Variants in DPP6 observed in about 807,000 individuals in gnomAD.
DPP6 encodes dipeptidyl peptidase like 6.
Under a neutral mutation model 122.6 loss-of-function variants are expected in DPP6, and 69 were observed. The observed-to-expected ratio is 0.56, with a 90% confidence interval of 0.46 to 0.69. The LOEUF (loss-of-function observed/expected upper bound fraction) is 0.69. DPP6 is among the 30% of genes least tolerant of loss of function. The probability of loss-of-function intolerance (pLI) is 0.00; values close to 1 mark genes in which losing one functional copy is unlikely to be tolerated. For synonymous variants in DPP6, 418 were observed against 433.1 expected, an observed-to-expected ratio of 0.97 and a Z score of 0.43; for missense variants, 928 against 1,116.9, an observed-to-expected ratio of 0.83 and a Z score of 2.41.
In DPP6 at chr7:154,313,685, G is replaced by GTGTGTGTGTATATA; in HGVS notation, c.244-132528_244-132527insGTGTGTGTATATAT. Among the ~76,000 whole-genome samples, 45 of 20,472 alleles carry GTGTGTGTGTATATA rather than the reference G, an allele frequency of 2.2e-3. 6 individuals carry two copies. Among genetic ancestry groups the GTGTGTGTGTATATA allele is most frequent in the South Asian group, 6.5e-3 (2 of 308 alleles). 13.4% of individuals were successfully genotyped at this position (20,472 alleles called of 152,430 possible). The stretch of plus-strand genomic sequence containing the variant: ...AAGCAACAAGATATTTTAAGATATG[G>GTGTGTGTGTATATA]TATATATATATATATATATATATAT... On this transcript the variant is annotated intron_variant, in intron 1 of 25. Transcript: ENST00000377770.
intron 1 of DPP6, among the ~76,000 whole-genome samples, chr7:154,308,941 T>C (rs984119708): frequency 6.6e-6 from 1 of 152,224 alleles, no homozygotes; most frequent in African/African-American, 2.4e-5. Context: ...TGTGTATGTA[T>C]GTGTGTGCAT....
intron 1 of DPP6, among the ~76,000 whole-genome samples, chr7:153,920,849 G>A (rs745355536): frequency 4.0e-5 from 6 of 151,898 alleles, no homozygotes; most frequent in Non-Finnish European, 5.9e-5. Flanking sequence ...GTGAGCCACC[G>A]CGCCTGGCCC....
chr7:154,775,468 A>C (rs1525757), intron 10 of DPP6, among the ~76,000 whole-genome samples: 110,082 of 151,948 alleles, frequency 0.72, 39,933 homozygotes, highest in South Asian at 0.76. Flanking sequence ...TTCTACTGGG[A>C]GTGGTCACCA....
intron 1 of DPP6, among the ~76,000 whole-genome samples, chr7:154,201,740 G>T (rs920804809): frequency 6.6e-6 from 1 of 152,144 alleles, no homozygotes; most frequent in South Asian, 2.1e-4. Context: ...CGTGATCCGT[G>T]TGTCATGGTT....
At chr7:154,181,476 A>G (rs1323656201) in intron 1 of DPP6, among the ~76,000 whole-genome samples, 1 of 152,138 alleles carries the variant, frequency 6.6e-6, no homozygotes, top group African/African-American at 2.4e-5. Context: ...CTGTAGAGAG[A>G]GCCAACTGAT....
chr7:154,522,129 A>G (rs999802616), intron 3 of DPP6, among the ~76,000 whole-genome samples: 1 of 151,724 alleles, frequency 6.6e-6, no homozygotes, highest in Non-Finnish European at 1.5e-5. Flanking sequence ...ACGCCCGGCT[A>G]ATTTTTGTTG....
Position 154,624,014 on chromosome 7 carries a change from T to G in DPP6, c.628-13807T>G, listed in dbSNP as rs1465848527. On this transcript the variant is annotated intron_variant, in intron 5 of 25. Transcript: ENST00000377770. The surrounding 1 kb of genome is among the most constrained non-coding windows in gnomAD (Gnocchi z 4.7). The stretch of plus-strand genomic sequence containing the variant: ...TTCGAGACCAGCCTGGCCGACATGG[T>G]GAAACCCCATCTCTACTAAAAATAC... Among the ~76,000 whole-genome samples, 3 of 152,050 alleles carry G rather than the reference T, an allele frequency of 2.0e-5. No individual in the cohort carries two copies. Among genetic ancestry groups the G allele is most frequent in the Non-Finnish European group, 4.4e-5 (3 of 68,014 alleles).
intron 3 of DPP6, among the ~76,000 whole-genome samples, chr7:154,477,096 C>G (rs530974438): frequency 6.6e-6 from 1 of 152,188 alleles, no homozygotes; most frequent in South Asian, 2.1e-4. Context: ...AGAGTGAACT[C>G]TTTGGTATTT....
chr7:154,280,660 C>G (rs772263151), intron 1 of DPP6, among the ~76,000 whole-genome samples: 2 of 152,124 alleles, frequency 1.3e-5, no homozygotes, highest in Non-Finnish European at 2.9e-5. Context: ...TATTGTCACT[C>G]TAATAAGAAC....
At chr7:154,407,864 G>T (rs751047595) in intron 1 of DPP6, among the ~76,000 whole-genome samples, 1 of 152,114 alleles carries the variant, frequency 6.6e-6, no homozygotes, top group Admixed American at 6.5e-5. Flanking sequence ...GATTGGAGAG[G>T]ATTCTCCATC....
At chr7:153,753,538 A>G in the DPP6 span, among the ~76,000 whole-genome samples, 1 of 151,274 alleles carries the variant, frequency 6.6e-6, no homozygotes, top group African/African-American at 2.4e-5. Flanking sequence ...AAACATACTT[A>G]AAGAGTAATC....
intron 1 of DPP6, among the ~76,000 whole-genome samples, chr7:154,398,378 C>A (rs922671886): frequency 6.6e-6 from 1 of 152,166 alleles, no homozygotes; most frequent in Non-Finnish European, 1.5e-5. Context: ...GCATGCTACA[C>A]CATCACACTG....
chr7:154,062,299 C>A (rs111774412), intron 1 of DPP6, among the ~76,000 whole-genome samples: 3 of 32,524 alleles, frequency 9.2e-5, no homozygotes, highest in Admixed American at 6.3e-4. Context: ...TCTTCCCCCC[C>A]GGCTCTGAGG....
the DPP6 span, among the ~76,000 whole-genome samples, chr7:153,834,091 A>G: frequency 1.3e-5 from 2 of 152,132 alleles, no homozygotes; most frequent in African/African-American, 4.8e-5. Flanking sequence ...ATTCAAGACC[A>G]GTGTGGACAA....
At chr7:154,443,180 G>A (rs9690036) in intron 1 of DPP6, among the ~76,000 whole-genome samples, 34,771 of 152,038 alleles carry the variant, frequency 0.23, 6,203 homozygotes, top group African/African-American at 0.51. Flanking sequence ...TTGTCTTCTC[G>A]GATGTCAGCT....
chr7:153,859,054 C>T, the DPP6 span, among the ~76,000 whole-genome samples: 1 of 152,032 alleles, frequency 6.6e-6, no homozygotes, highest in African/African-American at 2.4e-5. Context: ...AGAATGTGGC[C>T]CATGAAATGA....
At chr7:154,395,435 G>T (rs10274164) in intron 1 of DPP6, among the ~76,000 whole-genome samples, 16,135 of 152,166 alleles carry the variant, frequency 0.11, 1,065 homozygotes, top group African/African-American at 0.18. Context: ...CTTTCAGCAA[G>T]GCTTTGTAGT....
chr7:154,324,334 G>A (rs776282887), intron 1 of DPP6, among the ~76,000 whole-genome samples: 2 of 152,090 alleles, frequency 1.3e-5, no homozygotes, highest in Non-Finnish European at 2.9e-5. Context: ...GTTTGCTTGT[G>A]CGCTCCCCCC....
upstream of DPP6, among the ~76,000 whole-genome samples, chr7:154,051,468 A>G (rs542741064): frequency 1.4e-3 from 205 of 150,726 alleles, 1 homozygote; most frequent in Non-Finnish European, 2.4e-3. Context: ...AAGAGAAGCC[A>G]GGCCGGGCCT....
Sources: allele counts gnomAD v4.1 joint callset (sites outside exome capture counted in the v4.1 genomes callset), GRCh38; gene constraint gnomAD v4.1.1; non-coding constraint Gnocchi (gnomAD v3.1); transcripts MANE v1.5; gene names NCBI Gene and HGNC (gene_info 2026-07-23, HGNC 2026-07-21).